Variants in MYT1L observed in about 807,000 individuals in gnomAD.
The protein encoded by MYT1L is myelin transcription factor 1 like.
MYT1L carries 12 observed loss-of-function variants against 126.7 expected under a neutral mutation model. The ratio of observed to expected loss-of-function variants is 0.09; its 90% CI spans 0.06 to 0.15. The LOEUF is 0.15. Among genes scored for constraint, MYT1L ranks in the 10% least tolerant of loss-of-function variants. MYT1L has a pLI of 1.00. For synonymous variants in MYT1L, 541 were observed against 604.2 expected (o/e 0.90, Z 1.53); for missense variants, 979 against 1,585.2 (o/e 0.62, Z 6.49).
intron 3 of MYT1L, among the ~76,000 whole-genome samples, chr2:2,169,920 T>A (rs1030746049): frequency 2.9e-4 from 44 of 152,324 alleles, no homozygotes; most frequent in Middle Eastern, 3.4e-3. Flanking sequence ...GTTTTCAGGA[T>A]GATATTTCTA....
chr2:2,118,380 A>G (rs999027313), intron 3 of MYT1L, among the ~76,000 whole-genome samples: 1 of 152,226 alleles, frequency 6.6e-6, no homozygotes, highest in Non-Finnish European at 1.5e-5. Context: ...AAGATAACTT[A>G]AGCAAAATAA....
intron 23 of MYT1L, among the ~76,000 whole-genome samples, chr2:1,794,110 A>C (rs1037462609): frequency 6.6e-6 from 1 of 152,168 alleles, no homozygotes; most frequent in African/African-American, 2.4e-5. Flanking sequence ...ACGCAGGGGG[A>C]AGGCCAGCAG....
intron 3 of MYT1L, among the ~76,000 whole-genome samples, chr2:2,087,151 C>T (rs546923717): frequency 7.2e-5 from 11 of 152,164 alleles, no homozygotes; most frequent in African/African-American, 1.4e-4. Context: ...ATCCGCCTGC[C>T]GCTGCCTTCA....
chr2:2,308,883 T>C (rs1207092262), intron 1 of MYT1L, among the ~76,000 whole-genome samples: 9 of 151,648 alleles, frequency 5.9e-5, no homozygotes, highest in Admixed American at 5.3e-4. Context: ...GCATATTCTA[T>C]CTATACTCTC....
At chr2:2,311,800 GT>G (rs1192485961) in intron 1 of MYT1L, among the ~76,000 whole-genome samples, 3 of 152,168 alleles carry the variant, frequency 2.0e-5, no homozygotes, top group Admixed American at 2.0e-4. Context: ...TTGGCCTACG[GT>G]GACTTGAAAC....
intron 2 of MYT1L, among the ~76,000 whole-genome samples, chr2:2,253,673 A>G (rs900911780): frequency 1.1e-4 from 16 of 151,972 alleles, no homozygotes; most frequent in African/African-American, 3.6e-4. Flanking sequence ...AGCAAGTGGG[A>G]AACAAGAAGC....
chr2:2,197,956 A>G (rs1195651970), intron 2 of MYT1L, among the ~76,000 whole-genome samples: 1 of 152,008 alleles, frequency 6.6e-6, no homozygotes, highest in Non-Finnish European at 1.5e-5. Flanking sequence ...CATGCATACA[A>G]TGAATATGTA....
chr2:1,930,315 C>A lies in MYT1L; in HGVS notation c.506-7052G>T, dbSNP rs114625700. ...AGTGGCACTATATCACGGAGCAGAG[C>A]GGCACACCTGCCTCTCAAGGCACCC... On this transcript the variant is annotated intron_variant, in intron 9 of 24. Coordinates refer to ENST00000647738, the MANE Select transcript of MYT1L (RefSeq NM_001303052.2). Among the ~76,000 whole-genome samples the A allele has an allele frequency of 1.2e-4, 19 of 152,334 alleles. No individual in the cohort carries two copies. In the East Asian group the frequency reaches 3.3e-3, roughly 26 times the overall value.
At chr2:2,316,250 C>G (rs1266221714) in intron 1 of MYT1L, among the ~76,000 whole-genome samples, 1 of 152,136 alleles carries the variant, frequency 6.6e-6, no homozygotes, top group African/African-American at 2.4e-5. Context: ...AATATTCAGG[C>G]CCACTCTTTT....
rs563161986 is a variant in MYT1L, at chr2:1,981,274, T to A, written c.1-1497A>T. On this transcript the variant is annotated intron_variant, in intron 5 of 24. Transcript: ENST00000647738. ...AAAACATAAGCTCATTTAATGAGCTTAAAAATCTCTTAATGGGCTATATAT... is the reference window on the plus strand; with the variant it reads ...AAAACATAAGCTCATTTAATGAGCTAAAAAATCTCTTAATGGGCTATATAT... Among the ~76,000 whole-genome samples, 3 of 152,306 alleles carry A rather than the reference T, an allele frequency of 2.0e-5. No homozygotes were observed. The South Asian group carries it at 6.2e-4, about 32-fold the overall frequency.
intron 2 of MYT1L, among the ~76,000 whole-genome samples, chr2:2,185,417 T>C (rs568455680): frequency 1.2e-4 from 18 of 152,364 alleles, no homozygotes; most frequent in South Asian, 2.1e-4. Context: ...ATTCACCTGA[T>C]TGGCCTCCAC....
At chr2:2,170,813 G>A (rs542243289) in intron 3 of MYT1L, among the ~76,000 whole-genome samples, 7 of 152,250 alleles carry the variant, frequency 4.6e-5, no homozygotes, top group African/African-American at 1.4e-4. Context: ...CTATGTCTGC[G>A]CCCTTCACAG....
intron 3 of MYT1L, among the ~76,000 whole-genome samples, chr2:2,101,715 G>A (rs114681212): frequency 2.0e-5 from 3 of 151,368 alleles, no homozygotes; most frequent in Non-Finnish European, 4.4e-5. Context: ...AATCCATCCA[G>A]CCATCCATCC....
chr2:2,285,275 C>T (rs2095504411), intron 1 of MYT1L, among the ~76,000 whole-genome samples: 2 of 152,122 alleles, frequency 1.3e-5, no homozygotes, highest in Admixed American at 1.3e-4. Flanking sequence ...CAATAGGGAC[C>T]TCAAACGCAG....
chr2:1,985,902 C>T (rs1233806075), intron 5 of MYT1L, among the ~76,000 whole-genome samples: 4 of 152,150 alleles, frequency 2.6e-5, no homozygotes, highest in African/African-American at 9.7e-5. Context: ...CAATGGGTGC[C>T]CCCAGCCTCT....
At chr2:1,990,517 C>G (rs146453190) in intron 5 of MYT1L, among the ~76,000 whole-genome samples, 1 of 152,268 alleles carries the variant, frequency 6.6e-6, no homozygotes, top group East Asian at 1.9e-4. Context: ...CCATGGAGGG[C>G]AGTGGGGAAG....
At chr2:1,956,437 T>C (rs200148257) in intron 8 of MYT1L, among the ~76,000 whole-genome samples, 2,480 of 68,448 alleles carry the variant, frequency 0.036, 211 homozygotes, top group African/African-American at 0.083. Context: ...TATCTATCTA[T>C]CTACCTATCA....
intron 1 of MYT1L, among the ~76,000 whole-genome samples, chr2:2,300,564 A>T (rs568933274): frequency 6.6e-6 from 1 of 152,164 alleles, no homozygotes; most frequent in Non-Finnish European, 1.5e-5. Flanking sequence ...CTTGAACAAT[A>T]CTCCATAAAT....
rs527953041 is a variant in MYT1L, at chr2:2,224,724, C to G, written c.-420-51736G>C. Among the ~76,000 whole-genome samples the G allele has an allele frequency of 5.3e-5, 8 of 151,502 alleles. No individual in the cohort carries two copies. Among genetic ancestry groups the G allele is most frequent in the Non-Finnish European group, 1.0e-4 (7 of 67,938 alleles). On this transcript the variant is annotated intron_variant, in intron 2 of 24. Coordinates refer to ENST00000647738, the MANE Select transcript of MYT1L (RefSeq NM_001303052.2). The surrounding 1 kb of genome is among the most constrained non-coding windows in gnomAD (Gnocchi z 4.0). ...GTCCCAGCTACTTGGGAAGCTGAGACAGGAGAATGACATGAACCCGGGAGG... is the reference window on the plus strand; with the variant it reads ...GTCCCAGCTACTTGGGAAGCTGAGAGAGGAGAATGACATGAACCCGGGAGG...
Sources: gnomAD v4.1 joint callset for allele counts (sites outside exome capture counted in the v4.1 genomes callset) on GRCh38, gnomAD v4.1.1 for gene constraint, Gnocchi (gnomAD v3.1) non-coding constraint, MANE v1.5 for transcripts, NCBI Gene and HGNC (gene_info 2026-07-23, HGNC 2026-07-21) for gene names.